WAPL: variants seen among roughly 807,000 people sequenced by gnomAD.
WAPL encodes wings apart-like protein homolog.
A neutral mutation model predicts 121.0 loss-of-function variants in WAPL; 5 were observed. That is an observed-to-expected ratio of 0.04 (90% CI 0.02 to 0.09). The LOEUF is 0.09. Among genes scored for constraint, WAPL ranks in the 10% least tolerant of loss-of-function variants. The pLI is 1.00. For missense variants in WAPL, 999 were observed against 1,410.8 expected (o/e 0.71, Z 4.68); for synonymous variants, 480 against 481.5 (o/e 1.00, Z 0.04).
At chr10:86,439,782 G>A (rs1849416148) in intron 17 of WAPL, among the ~76,000 whole-genome samples, 1 of 152,172 alleles carries the variant, frequency 6.6e-6, no homozygotes, top group African/African-American at 2.4e-5. Context: ...AATGTGCAAT[G>A]TCCCAGGAAT....
chr10:86,461,165 A>C lies in WAPL; in HGVS notation c.2482+11T>G. On this transcript the variant is annotated intron_variant, in intron 10 of 18. Transcript: ENST00000298767. Reference sequence around the variant, plus strand: ...TAATATATAAAAACATTCTAAATGTAAATATCATACCTTTATCTACAATAT... The same window carrying C: ...TAATATATAAAAACATTCTAAATGTCAATATCATACCTTTATCTACAATAT... 1 of 1,577,494 alleles carries C rather than the reference A, an allele frequency of 6.3e-7. No homozygotes were observed. The highest frequency in any genetic ancestry group is 8.7e-7 in the Non-Finnish European group (1 of 1,152,552).
chr10:86,448,898 A>G (rs558796901), intron 15 of WAPL, among the ~76,000 whole-genome samples: 1 of 152,360 alleles, frequency 6.6e-6, no homozygotes, highest in African/African-American at 2.4e-5. Flanking sequence ...TACAGATTAC[A>G]GGCATGAGCC....
intron 17 of WAPL, among the ~76,000 whole-genome samples, chr10:86,438,618 T>C (rs1336839662): frequency 3.3e-5 from 5 of 152,198 alleles, no homozygotes; most frequent in African/African-American, 1.2e-4. Flanking sequence ...TATGTGTGTG[T>C]TTCACTGGGG....
At chr10:86,454,744 TGA>T (rs1474058543) in intron 12 of WAPL, among the ~76,000 whole-genome samples, 2 of 141,860 alleles carry the variant, frequency 1.4e-5, no homozygotes, top group South Asian at 2.3e-4. Context: ...GCCTGGGAAG[TGA>T]GGAGTGCCTC....
At chr10:86,490,318 T>G (rs1389744804) in intron 4 of WAPL, among the ~76,000 whole-genome samples, 1 of 152,216 alleles carries the variant, frequency 6.6e-6, no homozygotes, top group Admixed American at 6.5e-5. Flanking sequence ...ATAATTTTCT[T>G]AATTTTCTGA....
intron 17 of WAPL, among the ~76,000 whole-genome samples, chr10:86,439,788 G>A (rs1411303000): frequency 6.6e-6 from 1 of 152,308 alleles, no homozygotes; most frequent in Middle Eastern, 3.4e-3. Flanking sequence ...CAATGTCCCA[G>A]GAATGGAGGG....
chr10:86,459,929 C>T (rs990718984), intron 11 of WAPL, among the ~76,000 whole-genome samples: 3 of 152,152 alleles, frequency 2.0e-5, no homozygotes, highest in African/African-American at 4.8e-5. Flanking sequence ...GCCTGGCCAA[C>T]ATGGCAAAAC....
At chr10:86,469,027 C>A (rs1485406198) in intron 8 of WAPL, among the ~76,000 whole-genome samples, 1 of 151,942 alleles carries the variant, frequency 6.6e-6, no homozygotes, top group Non-Finnish European at 1.5e-5. Context: ...TCGCTTGAAC[C>A]CGGGAGGCAG....
In WAPL at chr10:86,495,539, C is replaced by A. The variant is rs147766012; in HGVS notation, c.1644+1662G>T. Reference sequence around the variant, plus strand: ...CAAAAATTAACTTAAAATAGAACAACGATCTAAACGTAACGACCTAAAACT... The same window carrying A: ...CAAAAATTAACTTAAAATAGAACAAAGATCTAAACGTAACGACCTAAAACT... On this transcript the variant is annotated intron_variant, in intron 4 of 18. Transcript: ENST00000298767. 4.8e-3 allele frequency among the ~76,000 whole-genome samples: 732 copies of A among 151,114 alleles called. 4 individuals are homozygous for A. Among genetic ancestry groups the A allele is most frequent in the Admixed American group, 1.0e-2 (151 of 15,174 alleles).
At chr10:86,441,573 GAAA>G (rs34758995) in intron 17 of WAPL, among the ~76,000 whole-genome samples, 1 of 135,612 alleles carries the variant, frequency 7.4e-6, no homozygotes. Context: ...ATGCACCTAT[GAAA>G]AAAAAAAAAA....
At chr10:86,496,244 G>A (rs1403568071) in intron 4 of WAPL, among the ~76,000 whole-genome samples, 1 of 152,102 alleles carries the variant, frequency 6.6e-6, no homozygotes, top group African/African-American at 2.4e-5. Context: ...ACCACAATGA[G>A]ATACCACTTC....
intron 4 of WAPL, among the ~76,000 whole-genome samples, chr10:86,476,299 A>G (rs374744831): frequency 6.6e-6 from 1 of 152,182 alleles, no homozygotes; most frequent in Non-Finnish European, 1.5e-5. Context: ...CGGGAGTCGG[A>G]GGTTGCAGTG....
chr10:86,516,919 C>T (rs1171679888), intron 2 of WAPL, among the ~76,000 whole-genome samples: 1 of 151,976 alleles, frequency 6.6e-6, no homozygotes, highest in Non-Finnish European at 1.5e-5. Flanking sequence ...CCTGTCTCTA[C>T]TAAAAATACA....
At chr10:86,492,126 T>C (rs1258426312) in intron 4 of WAPL, among the ~76,000 whole-genome samples, 2 of 152,202 alleles carry the variant, frequency 1.3e-5, no homozygotes, top group African/African-American at 4.8e-5. Flanking sequence ...TAATATTCTT[T>C]GTGTCTGAGT....
chr10:86,520,754 T>A (rs1358279966), intron 1 of WAPL, among the ~76,000 whole-genome samples: 1 of 119,944 alleles, frequency 8.3e-6, no homozygotes, highest in African/African-American at 3.4e-5. Flanking sequence ...TTGAGAGAAG[T>A]GCGCTGTGAT....
chr10:86,513,868 C>T (rs868298346), intron 2 of WAPL, among the ~76,000 whole-genome samples: 11 of 150,832 alleles, frequency 7.3e-5, no homozygotes, highest in African/African-American at 2.2e-4. Context: ...TTCACCTGTG[C>T]ACTTTGAATG....
At chr10:86,476,049 CA>C (rs1423231575) in intron 4 of WAPL, among the ~76,000 whole-genome samples, 2 of 152,168 alleles carry the variant, frequency 1.3e-5, no homozygotes, top group Admixed American at 1.3e-4. Flanking sequence ...ATTAAAGAAG[CA>C]AAAAGAGAAA....
chr10:86,453,859 T>C, intron 12 of WAPL, 28 bp from the exon 13 acceptor site: 1 of 1,466,492 alleles, frequency 6.8e-7, no homozygotes, highest in Non-Finnish European at 9.1e-7. Context: ...TATAGACTAT[T>C]ATAGTAAATA....
At chr10:86,477,915 CATG>C (rs1841696377) in intron 4 of WAPL, among the ~76,000 whole-genome samples, 1 of 151,232 alleles carries the variant, frequency 6.6e-6, no homozygotes. Context: ...CCCCGTCTCG[CATG>C]GTGGTAGGTG....
Sources: gnomAD v4.1 joint callset for allele counts (sites outside exome capture counted in the v4.1 genomes callset) on GRCh38, gnomAD v4.1.1 for gene constraint, MANE v1.5 for transcripts, NCBI Gene and HGNC (gene_info 2026-07-23, HGNC 2026-07-21) for gene names.